TMEM39A: variants seen among roughly 807,000 people sequenced by gnomAD.
TMEM39A encodes the protein transmembrane protein 39A, also known as suppressor of SQST-1 aggregates in rpl-43 mutants.
A neutral mutation model predicts 51.9 loss-of-function variants in TMEM39A; 19 were observed. The observed-to-expected ratio is 0.37, with a 90% CI of 0.26 to 0.54. TMEM39A has a LOEUF of 0.54. TMEM39A is among the 20% of genes least tolerant of loss of function. The pLI, the probability that TMEM39A is intolerant of heterozygous loss-of-function variation, is 0.88. For synonymous variants in TMEM39A, 197 were observed against 220.2 expected, an observed-to-expected ratio of 0.89 and a Z score of 0.93; for missense variants, 433 against 590.5, an observed-to-expected ratio of 0.73 and a Z score of 2.76.
chr3:119,451,313 C>G (rs1368505476), intron 4 of TMEM39A: 1 of 1,287,720 alleles, frequency 7.8e-7, no homozygotes, highest in Admixed American at 2.3e-5. Flanking sequence ...CTTACACACA[C>G]AGACCTTCCA....
In TMEM39A at chr3:119,463,495, C is replaced by A. The variant is rs1458811225; in HGVS notation, c.-234G>T. On this transcript the variant is annotated 5_prime_UTR_variant, in exon 1 of 9. Coordinates refer to ENST00000319172, the MANE Select transcript of TMEM39A (RefSeq NM_018266.3). Reference sequence around the variant, plus strand: ...CGCCTAGAGAATCAAGAAAAGGTGTCCAGGCTTCGGGCTGCCAGACTCAGA... The same window carrying A: ...CGCCTAGAGAATCAAGAAAAGGTGTACAGGCTTCGGGCTGCCAGACTCAGA... The A allele has an allele frequency of 2.5e-6, 1 of 398,556 alleles. No homozygotes were observed. Among genetic ancestry groups the A allele is most frequent in the East Asian group, 3.6e-5 (1 of 28,092 alleles). 24.7% of individuals were successfully genotyped at this position (398,556 alleles called of 1,614,324 possible). A position where few individuals can be genotyped will look rare whatever the true frequency, so the allele number is the denominator to read the frequency against.
intron 3 of TMEM39A, 32 bp from the exon 4 acceptor site, chr3:119,452,562 G>A: frequency 6.5e-7 from 1 of 1,536,580 alleles, no homozygotes; most frequent in Non-Finnish European, 9.0e-7. Context: ...ACATCAGAAA[G>A]AAATATGATG....
At chr3:119,456,458 T>C (rs1179719296) in intron 3 of TMEM39A, among the ~76,000 whole-genome samples, 3 of 152,248 alleles carry the variant, frequency 2.0e-5, no homozygotes, top group Non-Finnish European at 4.4e-5. Context: ...AAAATTTTTA[T>C]TCTCTTTCCA....
chr3:119,437,143 C>A (rs1475022849), intron 6 of TMEM39A, among the ~76,000 whole-genome samples, 165 bp from the exon 7 acceptor site: 2 of 152,188 alleles, frequency 1.3e-5, no homozygotes, highest in African/African-American at 2.4e-5. Context: ...CCTCCACAAT[C>A]CTTCAACCTG....
At chr3:119,462,966 T>A (rs2081359838) in intron 1 of TMEM39A, among the ~76,000 whole-genome samples, 1 of 151,872 alleles carries the variant, frequency 6.6e-6, no homozygotes, top group Non-Finnish European at 1.5e-5. Flanking sequence ...TACCAATGTT[T>A]CCTAAACAAT....
intron 8 of TMEM39A, 100 bp from the exon 9 acceptor site, chr3:119,432,314 T>G (rs2080911709): frequency 3.9e-6 from 3 of 761,442 alleles, no homozygotes; most frequent in Non-Finnish European, 4.2e-6. Flanking sequence ...CATTTACAGG[T>G]TCCCATATAT....
chr3:119,437,616 G>A, intron 6 of TMEM39A, 139 bp downstream of exon 6: 1 of 607,150 alleles, frequency 1.6e-6, no homozygotes, highest in East Asian at 2.8e-5. Context: ...CGGTATTAGT[G>A]CACTCCAGAT....
chr3:119,437,608 G>A, intron 6 of TMEM39A, 147 bp downstream of exon 6: 1 of 567,398 alleles, frequency 1.8e-6, no homozygotes, highest in African/African-American at 1.9e-5. Flanking sequence ...ACCAGGAGCG[G>A]TATTAGTGCA....
chr3:119,435,286 G>C (rs1231895627), intron 7 of TMEM39A: 50 of 985,186 alleles, frequency 5.1e-5, no homozygotes, highest in Non-Finnish European at 5.8e-5. Flanking sequence ...AAGAATAGTG[G>C]AGAAATTAGC....
chr3:119,447,549 A>C (rs2081144411), intron 4 of TMEM39A, among the ~76,000 whole-genome samples: 1 of 152,222 alleles, frequency 6.6e-6, no homozygotes, highest in Non-Finnish European at 1.5e-5. Context: ...CTCAAGGGGT[A>C]AGGAATAAAA....
intron 2 of TMEM39A, among the ~76,000 whole-genome samples, chr3:119,461,539 G>A (rs1237657171): frequency 2.6e-5 from 4 of 152,194 alleles, no homozygotes; most frequent in African/African-American, 9.6e-5. Context: ...GGCTAACCCA[G>A]CTAAAAAACA....
In TMEM39A at chr3:119,436,792, T is replaced by C. The variant is rs767695050; in HGVS notation, c.1111A>G (p.Ile371Val). 8.7e-6 allele frequency: 14 copies of C among 1,610,872 alleles called. 1 individual carries two copies. Among genetic ancestry groups the C allele is most frequent in the South Asian group, 2.2e-5 (2 of 90,836 alleles). ...GGTTTTACCCTCTAGCTTACTCACATGTGCTGTGGAGCATTGCTGTAGGAC... is the reference window on the plus strand; with the variant it reads ...GGTTTTACCCTCTAGCTTACTCACACGTGCTGTGGAGCATTGCTGTAGGAC... ...HGSYSNAPQH[I>V]WSENTIWPQG... The change falls in exon 7 of 9, where the codon ATT becomes GTT. Residue 371 changes from isoleucine to valine, a missense_variant and splice_region_variant. Ile to Val is a conservative substitution (Grantham distance 29, BLOSUM62 3). This residue lies in a region of TMEM39A where 223 missense variants were observed against 328.1 expected (regional missense o/e 0.68). Coordinates refer to ENST00000319172, the MANE Select transcript of TMEM39A (RefSeq NM_018266.3).
At position 119,436,690 on chromosome 3, in the gene TMEM39A, T is replaced by C. The variant is rs1273026208; in HGVS notation, c.1112+101A>G. On this transcript the variant is annotated intron_variant, in intron 7 of 8. Coordinates refer to ENST00000319172, the MANE Select transcript of TMEM39A (RefSeq NM_018266.3). ...TCCATGTAAGACAAAAACTAAAAAT[T>C]AAATGTTCAAAGCCAAGAACAAGAA... The C allele has an allele frequency of 3.8e-6, 5 of 1,303,024 alleles. No individual in the cohort carries two copies. The East Asian group carries it at 1.2e-4, about 31-fold the overall frequency. The allele number at this position is 1,303,024 out of a possible 1,614,324, so 80.7% of individuals were successfully genotyped here.
chr3:119,437,588 C>G (rs1013343066), intron 6 of TMEM39A, among the ~76,000 whole-genome samples, 167 bp downstream of exon 6: 1 of 151,388 alleles, frequency 6.6e-6, no homozygotes, highest in Non-Finnish European at 1.5e-5. Context: ...ATGGAAATAC[C>G]TATCCGCCAA....
At chr3:119,438,204 A>T in intron 5 of TMEM39A, 101 bp from the exon 6 acceptor site, 1 of 819,146 alleles carries the variant, frequency 1.2e-6, no homozygotes. Flanking sequence ...TAAAATAGTC[A>T]GGACCCGCAG....
At chr3:119,450,547 C>A (rs1395554278) in intron 4 of TMEM39A, among the ~76,000 whole-genome samples, 4 of 152,112 alleles carry the variant, frequency 2.6e-5, no homozygotes, top group African/African-American at 9.7e-5. Flanking sequence ...CTTGGCCAGG[C>A]ACTTGGGATC....
chr3:119,432,301 T>A, intron 8 of TMEM39A, 87 bp from the exon 9 acceptor site: 1 of 928,964 alleles, frequency 1.1e-6, no homozygotes, highest in Non-Finnish European at 1.6e-6. Flanking sequence ...TAAAATAATT[T>A]AACATTTACA....
chr3:119,458,462 C>T (rs536886165), intron 2 of TMEM39A, among the ~76,000 whole-genome samples: 4 of 152,298 alleles, frequency 2.6e-5, no homozygotes, highest in Non-Finnish European at 5.9e-5. Flanking sequence ...AATTTCTCTC[C>T]ATAGAGCTCA....
At chr3:119,454,276 T>C (rs371774560) in intron 3 of TMEM39A, among the ~76,000 whole-genome samples, 2 of 152,194 alleles carry the variant, frequency 1.3e-5, no homozygotes, top group East Asian at 3.8e-4. Flanking sequence ...ATTTTAGAGA[T>C]AGTACAGCCA....
Sources: gnomAD v4.1 joint callset for allele counts (sites outside exome capture counted in the v4.1 genomes callset) on GRCh38, gnomAD v4.1.1 for gene constraint, gnomAD v4.1.1 regional missense constraint, MANE v1.5 for transcripts, NCBI Gene and HGNC (gene_info 2026-07-23, HGNC 2026-07-21) for gene names.